Variants in ABHD12 observed in about 807,000 individuals in gnomAD.
The protein encoded by ABHD12 is lysophosphatidylserine lipase ABHD12.
Under a neutral mutation model 58.3 loss-of-function variants are expected in ABHD12, and 43 were observed. The ratio of observed to expected loss-of-function variants is 0.74; its 90% CI spans 0.58 to 0.95. The LOEUF (loss-of-function observed/expected upper bound fraction) is 0.95. ABHD12 is among the 40% of genes least tolerant of loss of function. ABHD12 has a pLI of 0.00. For missense variants in ABHD12, 539 were observed against 537.2 expected (o/e 1.00, Z -0.03); for synonymous variants, 219 against 211.2 (o/e 1.04, Z -0.32).
chr20:25,341,753 C>G (rs1162715590), intron 1 of ABHD12, among the ~76,000 whole-genome samples: 2 of 152,048 alleles, frequency 1.3e-5, no homozygotes, highest in African/African-American at 4.8e-5. Context: ...CAGGGAGAAA[C>G]TGGGTATAAT....
intron 4 of ABHD12, 117 bp downstream of exon 4, chr20:25,320,082 C>T (rs2145970094): frequency 6.8e-7 from 1 of 1,474,572 alleles, no homozygotes; most frequent in East Asian, 2.4e-5. Context: ...GTCAGTACAC[C>T]CAATTTTGTG....
At chr20:25,311,190 A>G (rs1888998) in intron 6 of ABHD12, among the ~76,000 whole-genome samples, 93,522 of 151,746 alleles carry the variant, frequency 0.62, 30,372 homozygotes, top group African/African-American at 0.79. Flanking sequence ...GGGGAATGAA[A>G]GGTATGGAAG....
chr20:25,297,078 CCCTCTGT>C (rs1157022016), downstream of ABHD12: 3 of 159,682 alleles, frequency 1.9e-5, no homozygotes, highest in African/African-American at 4.8e-5. Flanking sequence ...CTGCCCCCTG[CCCTCTGT>C]CCTGGCTCTG....
chr20:25,355,127 G>A (rs2146073389), intron 1 of ABHD12, among the ~76,000 whole-genome samples: 1 of 152,220 alleles, frequency 6.6e-6, no homozygotes, highest in South Asian at 2.1e-4. Flanking sequence ...AAGCTACAGT[G>A]GGGTGTTCTG....
intron 1 of ABHD12, among the ~76,000 whole-genome samples, chr20:25,349,958 C>T (rs1353978375): frequency 1.3e-5 from 2 of 152,058 alleles, no homozygotes; most frequent in Admixed American, 1.3e-4. Context: ...TAATGAAAGG[C>T]TAACATAATA....
intron 1 of ABHD12, among the ~76,000 whole-genome samples, chr20:25,348,463 A>C (rs1372504298): frequency 1.3e-5 from 2 of 151,298 alleles, no homozygotes; most frequent in East Asian, 3.9e-4. Context: ...AAAAAAAAAA[A>C]AAAACAAATG....
chr20:25,318,215 C>T (rs1484243944), intron 4 of ABHD12, among the ~76,000 whole-genome samples: 2 of 151,976 alleles, frequency 1.3e-5, no homozygotes, highest in African/African-American at 4.8e-5. Context: ...CTCGGGAGAC[C>T]GAGGCAGGAG....
intron 2 of ABHD12, among the ~76,000 whole-genome samples, chr20:25,326,443 A>G (rs1343567577): frequency 1.3e-5 from 2 of 152,168 alleles, no homozygotes; most frequent in African/African-American, 4.8e-5. Context: ...CAGGAGGCCC[A>G]AGTTATTTTA....
downstream of ABHD12, chr20:25,296,237 G>A (rs2088541881): frequency 9.1e-7 from 1 of 1,095,672 alleles, no homozygotes; most frequent in Admixed American, 2.1e-5. Flanking sequence ...TGATTGTAAT[G>A]TCCTCCTCTT....
chr20:25,299,270 G>A (rs1179270478), downstream of ABHD12, among the ~76,000 whole-genome samples: 1 of 152,154 alleles, frequency 6.6e-6, no homozygotes, highest in Non-Finnish European at 1.5e-5. Context: ...GGTGGCACGT[G>A]CCTGTAGTCC....
intron 3 of ABHD12, among the ~76,000 whole-genome samples, chr20:25,321,826 T>C (rs534666911): frequency 1.7e-4 from 26 of 152,320 alleles, no homozygotes; most frequent in Admixed American, 1.2e-3. Flanking sequence ...CAGTAAATGC[T>C]AGATTAAATC....
At chr20:25,320,861 T>TG (rs2089054183) in intron 3 of ABHD12, among the ~76,000 whole-genome samples, 1 of 152,198 alleles carries the variant, frequency 6.6e-6, no homozygotes, top group Non-Finnish European at 1.5e-5. Context: ...AGTCTGCTCA[T>TG]GGTCCACACC....
downstream of ABHD12, among the ~76,000 whole-genome samples, chr20:25,299,283 C>A (rs1206748007): frequency 6.6e-6 from 1 of 152,108 alleles, no homozygotes; most frequent in Non-Finnish European, 1.5e-5. Flanking sequence ...TGTAGTCCCA[C>A]CTACTTGGGA....
rs747959288 is a variant in ABHD12 at position 25,339,349 on chromosome 20, C to G, written c.194G>C (p.Arg65Pro). 6.2e-7 allele frequency: 1 copy of G among 1,613,984 alleles called. No homozygotes were observed. Among genetic ancestry groups the G allele is most frequent in the African/African-American group, 1.3e-5 (1 of 74,904 alleles). ...CCTCAGGCGCAACCACACGCCCTTT[C>G]GCCTGCAAGAGAAAAGCAATGAATA... The part of the protein sequence containing the change: ...DAGMKRALGR[R>P]KGVWLRLRKI... The change falls in exon 2 of 13, where the codon CGA (arginine) becomes CCA (proline). Residue 65 changes from arginine (R) to proline (P), a missense_variant and splice_region_variant. Arg to Pro is a moderately radical substitution (Grantham distance 103). Coordinates refer to ENST00000339157, the MANE Select transcript of ABHD12 (RefSeq NM_001042472.3).
chr20:25,348,022 C>A (rs1338006600), intron 1 of ABHD12, among the ~76,000 whole-genome samples: 3 of 151,358 alleles, frequency 2.0e-5, no homozygotes, highest in Non-Finnish European at 4.4e-5. Flanking sequence ...TCATCCTGGC[C>A]AACGTGGTGA....
chr20:25,372,425 G>C (rs942551224), intron 1 of ABHD12, among the ~76,000 whole-genome samples: 1 of 151,954 alleles, frequency 6.6e-6, no homozygotes, highest in East Asian at 1.9e-4. Context: ...GGCTGGACTG[G>C]AACTCCTGGG....
chr20:25,302,101 G>C, intron 12 of ABHD12, 118 bp downstream of exon 12: 3 of 1,448,602 alleles, frequency 2.1e-6, no homozygotes, highest in Non-Finnish European at 2.9e-6. Flanking sequence ...CCAAATCACT[G>C]TGACTCTTGG....
chr20:25,364,694 G>C (rs998873771), intron 1 of ABHD12, among the ~76,000 whole-genome samples: 1 of 152,272 alleles, frequency 6.6e-6, no homozygotes, highest in Admixed American at 6.5e-5. Context: ...CAAAACATAC[G>C]TCACTAAATT....
At chr20:25,302,922 C>T (rs2088664342) in intron 11 of ABHD12, among the ~76,000 whole-genome samples, 2 of 152,170 alleles carry the variant, frequency 1.3e-5, no homozygotes, top group African/African-American at 4.8e-5. Flanking sequence ...CTGCACACAC[C>T]CAACTAGTTT....
Sources: allele counts gnomAD v4.1 joint callset (sites outside exome capture counted in the v4.1 genomes callset), GRCh38; gene constraint gnomAD v4.1.1; transcripts MANE v1.5; gene names NCBI Gene and HGNC (gene_info 2026-07-23, HGNC 2026-07-21).